The following CNTNAP2 variants were observed in gnomAD, a reference collection of about 807,000 sequenced individuals.
CNTNAP2 encodes contactin associated protein 2, also known as contactin-associated protein-like 2.
A neutral mutation model predicts 155.2 loss-of-function variants in CNTNAP2; 98 were observed. That is an observed-to-expected ratio of 0.63 (90% CI 0.54 to 0.75). The LOEUF (loss-of-function observed/expected upper bound fraction) is 0.75. CNTNAP2 is among the 30% of genes least tolerant of loss of function. The pLI is 0.00. For synonymous variants in CNTNAP2, 651 were observed against 631.2 expected (o/e 1.03, Z -0.47); for missense variants, 1,727 against 1,688.1 (o/e 1.02, Z -0.40).
At chr7:148,359,965 A>C (rs1415169821) in intron 21 of CNTNAP2, among the ~76,000 whole-genome samples, 1 of 152,208 alleles carries the variant, frequency 6.6e-6, no homozygotes, top group African/African-American at 2.4e-5. Flanking sequence ...AAATTTTCTA[A>C]CAGAGGGGAT....
intron 14 of CNTNAP2, among the ~76,000 whole-genome samples, chr7:147,913,514 A>G (rs1447587933): frequency 6.6e-6 from 1 of 152,208 alleles, no homozygotes; most frequent in Non-Finnish European, 1.5e-5. Context: ...TTTAGGGCCC[A>G]ACAACAGGCA....
chr7:147,969,172 C>T (rs1801284939), intron 14 of CNTNAP2, among the ~76,000 whole-genome samples: 2 of 149,542 alleles, frequency 1.3e-5, no homozygotes, highest in African/African-American at 5.1e-5. Flanking sequence ...ACCTCAGCCT[C>T]TTGAGTAGCT....
At chr7:147,325,840 G>A (rs575627094) in intron 9 of CNTNAP2, among the ~76,000 whole-genome samples, 4 of 152,170 alleles carry the variant, frequency 2.6e-5, no homozygotes, top group East Asian at 1.9e-4. Flanking sequence ...AGGACTTTTC[G>A]TCATCACAAA....
intron 13 of CNTNAP2, among the ~76,000 whole-genome samples, chr7:147,705,309 A>T (rs1796293562): frequency 6.6e-6 from 1 of 152,132 alleles, no homozygotes; most frequent in Non-Finnish European, 1.5e-5. Flanking sequence ...CCTTGAATCA[A>T]TGATCATTCA....
chr7:146,723,937 C>T (rs73168726), intron 1 of CNTNAP2, among the ~76,000 whole-genome samples: 5,213 of 152,086 alleles, frequency 0.034, 135 homozygotes, highest in East Asian at 0.12. Flanking sequence ...TTTATTGAGG[C>T]TTTTTTGTTT....
chr7:147,747,168 C>T (rs1015228307), intron 13 of CNTNAP2, among the ~76,000 whole-genome samples: 2 of 152,228 alleles, frequency 1.3e-5, no homozygotes, highest in African/African-American at 2.4e-5. Flanking sequence ...AAGTCCTCCT[C>T]AGTTCCTCTG....
intron 3 of CNTNAP2, among the ~76,000 whole-genome samples, chr7:147,033,082 A>C (rs1799066336): frequency 1.3e-5 from 2 of 149,540 alleles, no homozygotes; most frequent in African/African-American, 2.4e-5. Flanking sequence ...AACATTGACA[A>C]CATTAAGAAG....
At chr7:148,061,962 G>GATAGATAGATAAACAGAT (rs1563185451) in intron 15 of CNTNAP2, among the ~76,000 whole-genome samples, 10 of 72,458 alleles carry the variant, frequency 1.4e-4, no homozygotes, top group Admixed American at 4.0e-4. Flanking sequence ...GATATAGATA[G>GATAGATAGATAAACAGAT]ATAGATAGAT....
In CNTNAP2 at chr7:148,060,301, T is replaced by C. The variant is rs147676970; in HGVS notation, c.2384-57817T>C. Among the ~76,000 whole-genome samples, 303 of 152,278 alleles carry C rather than the reference T, an allele frequency of 2.0e-3. 1 individual carries two copies. Among genetic ancestry groups the C allele is most frequent in the Non-Finnish European group, 3.4e-3 (233 of 67,992 alleles). The stretch of plus-strand genomic sequence containing the variant: ...TTTTTCTCAGTAGTAATAATTTTTC[T>C]GAAGTATTTGCTTATTGTTTTTAAG... On this transcript the variant is annotated intron_variant, in intron 15 of 23. Transcript: ENST00000361727.
chr7:147,270,957 G>C (rs1804734853), intron 8 of CNTNAP2, among the ~76,000 whole-genome samples: 1 of 151,998 alleles, frequency 6.6e-6, no homozygotes, highest in Non-Finnish European at 1.5e-5. Context: ...TTCCCCCTAG[G>C]AAGCCCCCAC....
At position 147,282,840 on chromosome 7, in the gene CNTNAP2, C is replaced by G. The variant is rs183079605; in HGVS notation, c.1349-17301C>G. On this transcript the variant is annotated intron_variant, in intron 8 of 23. Coordinates refer to ENST00000361727, the MANE Select transcript of CNTNAP2 (RefSeq NM_014141.6). ...TGAACTCCTAGTCTCAAGCAACTTT[C>G]CTGCTTTGGCCTCCCAAAATGCTGG... Among the ~76,000 whole-genome samples the G allele has an allele frequency of 4.7e-4, 71 of 151,982 alleles. 1 individual carries two copies. The highest frequency in any genetic ancestry group is 1.2e-4 in the Non-Finnish European group (8 of 67,892).
At chr7:146,859,295 A>G (rs1281231768) in intron 3 of CNTNAP2, among the ~76,000 whole-genome samples, 1 of 152,218 alleles carries the variant, frequency 6.6e-6, no homozygotes, top group African/African-American at 2.4e-5. Context: ...CAGTAACAGT[A>G]TTATGCATTA....
intron 13 of CNTNAP2, among the ~76,000 whole-genome samples, chr7:147,850,471 C>A (rs1039522387): frequency 2.0e-5 from 3 of 152,254 alleles, no homozygotes; most frequent in African/African-American, 7.2e-5. Flanking sequence ...CAATCCTAAG[C>A]CAAAAGAACA....
intron 1 of CNTNAP2, among the ~76,000 whole-genome samples, chr7:146,301,461 A>G (rs1236599557): frequency 1.3e-5 from 2 of 150,150 alleles, no homozygotes; most frequent in East Asian, 3.9e-4. Context: ...CATCTCTACT[A>G]AAAATACAAA....
chr7:147,985,578 G>T (rs1244987913), intron 15 of CNTNAP2, among the ~76,000 whole-genome samples: 2 of 151,920 alleles, frequency 1.3e-5, no homozygotes, highest in Non-Finnish European at 2.9e-5. Flanking sequence ...CATGCTTAGT[G>T]GAGAAAAGAT....
At chr7:146,199,076 A>T (rs530491292) in intron 1 of CNTNAP2, among the ~76,000 whole-genome samples, 1 of 152,262 alleles carries the variant, frequency 6.6e-6, no homozygotes, top group South Asian at 2.1e-4. Flanking sequence ...TCTCCAAATA[A>T]TGATGGTTGT....
intron 17 of CNTNAP2, among the ~76,000 whole-genome samples, chr7:148,157,127 T>C (rs139296557): frequency 4.6e-5 from 7 of 152,350 alleles, no homozygotes; most frequent in Admixed American, 1.3e-4. Flanking sequence ...ACTGAGTAAA[T>C]GACTTTGTCA....
In CNTNAP2 at chr7:146,909,031, G is replaced by A. The variant is rs1378409588; in HGVS notation, c.402+69127G>A. ...CAGAGAATACTACAAACACCTCTAC[G>A]CAAATAAACTAGAAAATCTAGAAGA... On this transcript the variant is annotated intron_variant, in intron 3 of 23. Transcript: ENST00000361727. 2.8e-4 allele frequency among the ~76,000 whole-genome samples: 42 copies of A among 150,270 alleles called. 1 individual carries two copies. In the South Asian group the frequency reaches 7.5e-3, roughly 27 times the overall value.
At chr7:146,965,889 G>A (rs531001058) in intron 3 of CNTNAP2, among the ~76,000 whole-genome samples, 7 of 152,130 alleles carry the variant, frequency 4.6e-5, no homozygotes, top group African/African-American at 1.7e-4. Context: ...GAAACCTTAC[G>A]CTAGACTAGC....
Sources: gnomAD v4.1 joint callset for allele counts (sites outside exome capture counted in the v4.1 genomes callset) on GRCh38, gnomAD v4.1.1 for gene constraint, MANE v1.5 for transcripts, NCBI Gene and HGNC (gene_info 2026-07-23, HGNC 2026-07-21) for gene names.